IL4R: variants seen among roughly 807,000 people sequenced by gnomAD.
IL4R encodes interleukin-4 receptor subunit alpha.
IL4R carries 17 observed loss-of-function variants against 41.5 expected under a neutral mutation model. That is an observed-to-expected ratio of 0.41 (90% CI 0.28 to 0.61). IL4R has a LOEUF of 0.61. Ranked by LOEUF, IL4R falls within the 20% of genes least tolerant of loss-of-function variation. IL4R has a pLI of 0.31. For synonymous variants in IL4R, 402 were observed against 422.9 expected, an observed-to-expected ratio of 0.95 and a Z score of 0.61; for missense variants, 974 against 1,043.1, an observed-to-expected ratio of 0.93 and a Z score of 0.91.
intron 3 of IL4R, 137 bp from the exon 4 acceptor site, chr16:27,341,984 C>A: frequency 1.1e-6 from 1 of 892,988 alleles, no homozygotes; most frequent in Non-Finnish European, 1.7e-6. Context: ...CTGGTCCTGG[C>A]CCCAGCTCTG....
At chr16:27,360,872 A>C in intron 10 of IL4R, 57 bp downstream of exon 10, 2 of 1,614,006 alleles carry the variant, frequency 1.2e-6, no homozygotes, top group Non-Finnish European at 1.7e-6. Context: ...ATAGAATTGG[A>C]GAGGCAAGCC....
chr16:27,314,960 C>A (rs1026074130), intron 1 of IL4R, among the ~76,000 whole-genome samples: 6 of 152,160 alleles, frequency 3.9e-5, no homozygotes, highest in Non-Finnish European at 8.8e-5. Flanking sequence ...AGGTGTGAGC[C>A]ACTGAGCCCT....
chr16:27,363,438 C>CA lies in IL4R; in HGVS notation c.2087dup (p.Glu697GlyfsTer94). On this transcript the variant is annotated frameshift_variant, in exon 11 of 11. Coordinates refer to ENST00000395762, the MANE Select transcript of IL4R (RefSeq NM_000418.4). LOFTEE classifies it low-confidence loss of function (END_TRUNC). ...GGACATGCCAAAGCCCCCACTTCCC[C>CA]AGGAGCAGGCCACAGACCCCCTTGT... is the stretch of plus-strand genomic sequence containing the variant. 6.2e-7 allele frequency: 1 copy of CA among 1,614,108 alleles called. No homozygotes were observed. The highest frequency in any genetic ancestry group is 8.5e-7 in the Non-Finnish European group (1 of 1,179,994).
intron 2 of IL4R, among the ~76,000 whole-genome samples, chr16:27,339,421 T>C (rs1366951693): frequency 6.6e-6 from 1 of 152,114 alleles, no homozygotes; most frequent in Non-Finnish European, 1.5e-5. Flanking sequence ...TTCCGGTCAC[T>C]GTTGGAGGGC....
intron 1 of IL4R, chr16:27,314,267 T>G: frequency 6.2e-6 from 2 of 324,590 alleles, no homozygotes; most frequent in Non-Finnish European, 8.9e-6. Flanking sequence ...AAGCCGGTGC[T>G]GGCAGTGAGA....
intron 2 of IL4R, among the ~76,000 whole-genome samples, chr16:27,338,917 G>A (rs886555187): frequency 1.4e-4 from 21 of 151,958 alleles, no homozygotes; most frequent in African/African-American, 4.6e-4. Flanking sequence ...ACAATGACGC[G>A]ATCTCGACTC....
chr16:27,315,566 TGTGAGTAGA>T (rs1295530360), intron 1 of IL4R: 2 of 152,460 alleles, frequency 1.3e-5, no homozygotes, highest in African/African-American at 4.8e-5. Flanking sequence ...GAGCTAGCCT[TGTGAGTAGA>T]GCAGGGGAGT....
intron 1 of IL4R, among the ~76,000 whole-genome samples, chr16:27,326,888 C>G (rs1027706590): frequency 2.0e-5 from 3 of 152,156 alleles, no homozygotes; most frequent in African/African-American, 7.2e-5. Context: ...CCTGGCCTGG[C>G]CTGCCTTACT....
At chr16:27,347,337 C>T (rs1433431282) in intron 6 of IL4R, among the ~76,000 whole-genome samples, 1 of 152,158 alleles carries the variant, frequency 6.6e-6, no homozygotes, top group East Asian at 1.9e-4. Flanking sequence ...ACTACAGGCA[C>T]CTGCCACCGT....
Position 27,345,250 on chromosome 16 carries a change from C to T in IL4R, c.361+230C>T, listed in dbSNP as rs1278255687. ...CAAGCCCCCTTCAGCCCAGCTGTTT[C>T]CACCCCTGAACTTAAGTGCCCAGGA... On this transcript the variant is annotated intron_variant, in intron 5 of 10. Coordinates refer to ENST00000395762, the MANE Select transcript of IL4R (RefSeq NM_000418.4). This position sits in a 1 kb window ranked among gnomAD's most constrained non-coding sequence, Gnocchi z 4.5. 1.5e-6 allele frequency: 1 copy of T among 678,390 alleles called. No individual in the cohort carries two copies. Among genetic ancestry groups the T allele is most frequent in the South Asian group, 1.5e-5 (1 of 66,428 alleles). The allele number at this position is 678,390 out of a possible 1,614,324, so 42.0% of individuals were successfully genotyped here.
intron 2 of IL4R, among the ~76,000 whole-genome samples, chr16:27,337,543 C>G (rs963677012): frequency 1.3e-5 from 2 of 151,912 alleles, no homozygotes; most frequent in African/African-American, 2.4e-5. Context: ...GGGAATATAA[C>G]CCAGCGCGTG....
At chr16:27,349,413 A>C (rs531251550) in intron 6 of IL4R, among the ~76,000 whole-genome samples, 86 of 152,264 alleles carry the variant, frequency 5.6e-4, no homozygotes, top group Admixed American at 1.3e-3. Context: ...TCCCCTAGAT[A>C]ATTTCTAGGC....
intron 9 of IL4R, among the ~76,000 whole-genome samples, chr16:27,360,012 CTTT>C (rs367917837): frequency 1.6e-3 from 218 of 138,824 alleles, no homozygotes; most frequent in African/African-American, 5.6e-3. Context: ...TGACAGTTGG[CTTT>C]TTTTTTTTTT....
chr16:27,333,641 G>A (rs1487897458), intron 2 of IL4R, among the ~76,000 whole-genome samples: 3 of 152,068 alleles, frequency 2.0e-5, no homozygotes, highest in African/African-American at 7.2e-5. Flanking sequence ...TCAAGTACAA[G>A]GTAAGTGCTG....
intron 4 of IL4R, among the ~76,000 whole-genome samples, chr16:27,344,550 AAATT>A (rs2085562669): frequency 1.3e-5 from 2 of 152,288 alleles, no homozygotes; most frequent in Non-Finnish European, 2.9e-5. Flanking sequence ...ATGTTGTTCT[AAATT>A]AATTAGTGCC....
intron 4 of IL4R, among the ~76,000 whole-genome samples, chr16:27,343,495 C>T (rs1199610840): frequency 6.6e-6 from 1 of 152,144 alleles, no homozygotes; most frequent in Non-Finnish European, 1.5e-5. Context: ...GGCACAATCT[C>T]GGCTCACTGC....
chr16:27,334,651 G>A (rs1437262825), intron 2 of IL4R, among the ~76,000 whole-genome samples: 2 of 152,072 alleles, frequency 1.3e-5, no homozygotes, highest in Non-Finnish European at 2.9e-5. Context: ...GATACTGTGG[G>A]CATCTGTGTA....
intron 1 of IL4R, chr16:27,318,490 A>C (rs1344686055): frequency 6.6e-6 from 1 of 152,228 alleles, no homozygotes; most frequent in Non-Finnish European, 1.5e-5. Flanking sequence ...CAGAGGACGG[A>C]AGACTCCACT....
intron 1 of IL4R, 101 bp downstream of exon 1, chr16:27,314,121 G>A (rs2084552726): frequency 3.0e-6 from 3 of 984,130 alleles, no homozygotes; most frequent in Middle Eastern, 5.2e-4. Context: ...CGGGGACCAC[G>A]GGGACCACCC....
Sources: gnomAD v4.1 joint callset for allele counts (sites outside exome capture counted in the v4.1 genomes callset) on GRCh38, gnomAD v4.1.1 for gene constraint, Gnocchi (gnomAD v3.1) non-coding constraint, MANE v1.5 for transcripts, NCBI Gene and HGNC (gene_info 2026-07-23, HGNC 2026-07-21) for gene names.